NUP155: variants seen among roughly 807,000 people sequenced by gnomAD.
NUP155 encodes nucleoporin 155, also known as nuclear pore complex protein Nup155.
NUP155 carries 71 observed loss-of-function variants against 180.4 expected under a neutral mutation model. The ratio of observed to expected loss-of-function variants is 0.39; its 90% CI spans 0.33 to 0.48. The LOEUF (loss-of-function observed/expected upper bound fraction) is 0.48, where lower values mean the gene tolerates loss of function less well. Among genes scored for constraint, NUP155 ranks in the 20% least tolerant of loss-of-function variants. The pLI, the probability that NUP155 is intolerant of heterozygous loss-of-function variation, is 0.91. For synonymous variants in NUP155, 582 were observed against 559.5 expected (o/e 1.04, Z -0.57); for missense variants, 1,553 against 1,648.9 (o/e 0.94, Z 1.01).
intron 19 of NUP155, among the ~76,000 whole-genome samples, chr5:37,325,328 T>C (rs1240710822): frequency 6.6e-6 from 1 of 152,192 alleles, no homozygotes; most frequent in Non-Finnish European, 1.5e-5. Flanking sequence ...ATGAGGGAGA[T>C]ATACTACGCC....
At chr5:37,297,635 C>G (rs1742657207) in intron 32 of NUP155, among the ~76,000 whole-genome samples, 2 of 152,044 alleles carry the variant, frequency 1.3e-5, no homozygotes, top group South Asian at 4.2e-4. Flanking sequence ...CCGCCTCGGC[C>G]TCCCAAAGTG....
At chr5:37,318,263 T>C (rs1744028764) in intron 20 of NUP155, among the ~76,000 whole-genome samples, 178 bp from the exon 21 acceptor site, 1 of 152,050 alleles carries the variant, frequency 6.6e-6, no homozygotes, top group Non-Finnish European at 1.5e-5. Flanking sequence ...AAACAGATGC[T>C]ACTTAAAATG....
chr5:37,356,026 TC>T (rs1746803764), intron 4 of NUP155, among the ~76,000 whole-genome samples: 1 of 151,532 alleles, frequency 6.6e-6, no homozygotes, highest in Non-Finnish European at 1.5e-5. Context: ...GGTCGGGAGT[TC>T]AAGACCAGCC....
At chr5:37,359,462 A>G (rs1747058142) in intron 3 of NUP155, among the ~76,000 whole-genome samples, 1 of 152,100 alleles carries the variant, frequency 6.6e-6, no homozygotes, top group Admixed American at 6.6e-5. Flanking sequence ...CTGAGGATGT[A>G]AGAGGAACAC....
intron 20 of NUP155, among the ~76,000 whole-genome samples, chr5:37,323,117 C>G (rs948310296): frequency 1.3e-5 from 2 of 150,548 alleles, no homozygotes; most frequent in African/African-American, 2.4e-5. Context: ...CCCGTCTCCG[C>G]TGAAAATACA....
chr5:37,331,373 G>A (rs1173140213), intron 14 of NUP155, among the ~76,000 whole-genome samples: 2 of 152,092 alleles, frequency 1.3e-5, no homozygotes, highest in East Asian at 1.9e-4. Flanking sequence ...TCGGGAGTTC[G>A]AGACCAGCCT....
chr5:37,307,912 ACTCTGT>A (rs1214801100), intron 24 of NUP155, among the ~76,000 whole-genome samples: 3 of 137,124 alleles, frequency 2.2e-5, no homozygotes, highest in Non-Finnish European at 3.0e-5. Flanking sequence ...ACAGAACAAG[ACTCTGT>A]CTCACAAAAA....
chr5:37,294,957 CAG>C (rs1300633560), intron 32 of NUP155, among the ~76,000 whole-genome samples: 2 of 152,040 alleles, frequency 1.3e-5, no homozygotes, highest in African/African-American at 4.8e-5. Context: ...AAGAAGAAAA[CAG>C]AGACGATTCA....
At chr5:37,319,807 G>A (rs1290583385) in intron 20 of NUP155, among the ~76,000 whole-genome samples, 1 of 152,150 alleles carries the variant, frequency 6.6e-6, no homozygotes, top group Non-Finnish European at 1.5e-5. Flanking sequence ...GGAGGTCAAA[G>A]TTGCGGTGAG....
intron 20 of NUP155, 75 bp from the exon 21 acceptor site, chr5:37,318,160 C>A: frequency 1.1e-6 from 1 of 902,714 alleles, no homozygotes. Context: ...ACAATTCAAA[C>A]ATTTAATATG....
rs780037618 is a variant in NUP155 at position 37,358,200 on chromosome 5, C to G, written c.393-49G>C. ...TGTTACACATATAAAGCAAATAGGC[C>G]AGATGTGGTGGCTCATGTCTTTAAT... On this transcript the variant is annotated intron_variant, in intron 3 of 34. Transcript: ENST00000231498. 3.2e-5 allele frequency: 42 copies of G among 1,300,028 alleles called. No individual in the cohort carries two copies. In the Admixed American group the frequency reaches 7.1e-4, roughly 22 times the overall value. 80.5% of individuals were successfully genotyped at this position (1,300,028 alleles called of 1,614,324 possible).
intron 1 of NUP155, among the ~76,000 whole-genome samples, chr5:37,368,070 C>T (rs891638020): frequency 6.6e-5 from 10 of 152,116 alleles, no homozygotes; most frequent in African/African-American, 2.2e-4. Context: ...CGTGAGCCAC[C>T]GCACCCAGCC....
Position 37,348,665 on chromosome 5 carries a change from T to G in NUP155, c.904-69A>C. ...ATACACATATTATTAAACTCTTTCT[T>G]TTAAGGGATCCTTTAATATTGGTAT... On this transcript the variant is annotated intron_variant, in intron 8 of 34. Coordinates refer to ENST00000231498, the MANE Select transcript of NUP155 (RefSeq NM_153485.3). 3 of 909,600 alleles carry G rather than the reference T, an allele frequency of 3.3e-6. No homozygotes were observed. In the South Asian group the frequency reaches 4.0e-5, roughly 12 times the overall value. The allele number at this position is 909,600 out of a possible 1,614,324, so 56.3% of individuals were successfully genotyped here.
intron 11 of NUP155, among the ~76,000 whole-genome samples, chr5:37,340,639 G>T (rs1745653097): frequency 6.6e-6 from 1 of 152,098 alleles, no homozygotes; most frequent in Non-Finnish European, 1.5e-5. Flanking sequence ...TTCAATGGGG[G>T]ATATAATAGT....
rs572716686 is a variant in NUP155, at chr5:37,370,745, C to T, written c.157+76G>A. 24 of 1,612,936 alleles carry T rather than the reference C, an allele frequency of 1.5e-5. No homozygotes were observed. The Middle Eastern group carries it at 7.7e-4, about 52-fold the overall frequency. The stretch of plus-strand genomic sequence containing the variant: ...CTCAGCATATCCTCGCCGGGACCAA[C>T]GCTGGGGATAAGTAGCAAATTAGGA... On this transcript the variant is annotated intron_variant, in intron 1 of 34. Transcript: ENST00000231498.
intron 1 of NUP155, among the ~76,000 whole-genome samples, chr5:37,366,416 T>C (rs912430127): frequency 4.6e-5 from 7 of 152,226 alleles, no homozygotes; most frequent in African/African-American, 1.7e-4. Flanking sequence ...ATTTTTATCA[T>C]TGTTCACTCC....
chr5:37,308,283 T>A (rs1232845265), intron 24 of NUP155, among the ~76,000 whole-genome samples: 1 of 152,178 alleles, frequency 6.6e-6, no homozygotes, highest in Admixed American at 6.5e-5. Flanking sequence ...CTGGGCGCAG[T>A]GGCTCATGTC....
rs763260501 is a variant in NUP155, at chr5:37,294,484, A to T, written c.3794-19T>A. The T allele has an allele frequency of 1.9e-6, 3 of 1,610,914 alleles. No individual in the cohort carries two copies. The South Asian group carries it at 3.3e-5, about 18-fold the overall frequency. ...ATAAAATCTGGGAAGAAAAAAAAAG[A>T]TCGGAAATTTGGATTTTTAGCTCTT... is the stretch of plus-strand genomic sequence containing the variant. On this transcript the variant is annotated intron_variant, in intron 32 of 34. Transcript: ENST00000231498.
chr5:37,344,943 G>A (rs923716769), intron 9 of NUP155, among the ~76,000 whole-genome samples: 4 of 151,698 alleles, frequency 2.6e-5, no homozygotes, highest in Non-Finnish European at 5.9e-5. Context: ...AGGACTGTGA[G>A]AGGCTGAGGC....
Sources: allele counts gnomAD v4.1 joint callset (sites outside exome capture counted in the v4.1 genomes callset), GRCh38; gene constraint gnomAD v4.1.1; transcripts MANE v1.5; gene names NCBI Gene and HGNC (gene_info 2026-07-23, HGNC 2026-07-21).